Variants in SCN2A observed in about 807,000 individuals in gnomAD.
The protein encoded by SCN2A is sodium voltage-gated channel alpha subunit 2, also known as sodium channel protein type 2 subunit alpha.
SCN2A carries 20 observed loss-of-function variants against 188.7 expected under a neutral mutation model. The observed-to-expected ratio is 0.11, with a 90% CI of 0.07 to 0.15. SCN2A has a LOEUF of 0.15. SCN2A is among the 10% of genes least tolerant of loss of function. SCN2A has a pLI of 1.00. For missense variants in SCN2A, 1,278 were observed against 2,445.0 expected, an observed-to-expected ratio of 0.52 and a Z score of 10.07; for synonymous variants, 804 against 833.1, an observed-to-expected ratio of 0.97 and a Z score of 0.60.
Position 165,258,390 on chromosome 2 carries a change from A to G in SCN2A, c.-52+18750A>G, listed in dbSNP as rs144012431. Reference sequence around the variant, plus strand: ...TTCAATCTTCTGCATATGGCTAGCCAGTTATCCCAGCATTGTTTATTAAAC... The same window carrying G: ...TTCAATCTTCTGCATATGGCTAGCCGGTTATCCCAGCATTGTTTATTAAAC... On this transcript the variant is annotated intron_variant, in intron 1 of 26. Transcript: ENST00000375437. 4.8e-3 allele frequency among the ~76,000 whole-genome samples: 725 copies of G among 152,292 alleles called. 9 individuals carry two copies. Among genetic ancestry groups the G allele is most frequent in the African/African-American group, 0.016 (675 of 41,550 alleles).
At chr2:165,342,560 A>G (rs1699371881) in intron 15 of SCN2A, 91 bp downstream of exon 15, 3 of 1,365,614 alleles carry the variant, frequency 2.2e-6, no homozygotes, top group Non-Finnish European at 3.1e-6. Flanking sequence ...TCCCATCATT[A>G]TAATATTATT....
Position 165,360,113 on chromosome 2 carries a change from ATCTC to A in SCN2A, c.3400-5022_3400-5019del, listed in dbSNP as rs1485708155. ...AATTTTTTAATTAAATTAAATTAAA[ATCTC>A]TCTCTCTTTTCCCAAATTATATACA... On this transcript the variant is annotated intron_variant, in intron 17 of 26. Transcript: ENST00000375437. 4.0e-5 allele frequency among the ~76,000 whole-genome samples: 6 copies of A among 151,760 alleles called. No individual in the cohort carries two copies. The East Asian group carries it at 5.8e-4, about 15-fold the overall frequency.
intron 16 of SCN2A, among the ~76,000 whole-genome samples, chr2:165,350,187 C>T (rs1302614032): frequency 6.6e-6 from 1 of 152,214 alleles, no homozygotes; most frequent in Non-Finnish European, 1.5e-5. Flanking sequence ...GAGAAGACAA[C>T]TTCCTCTCTC....
In SCN2A at chr2:165,389,761, A is replaced by G. The variant is rs572474239; in HGVS notation, c.5955A>G (p.Lys1985=). The change falls in exon 27 of 27, where the codon AAA becomes AAG. Residue 1985 remains lysine (K), a synonymous_variant. Coordinates refer to ENST00000375437, the MANE Select transcript of SCN2A (RefSeq NM_001040142.2). The surrounding 1 kb of genome is among the most constrained non-coding windows in gnomAD (Gnocchi z 4.2). ...GTGTGACCAAACCAGAAAAAGAAAA[A>G]TTTGAAAAAGACAAATCAGAAAAGG... is the stretch of plus-strand genomic sequence containing the variant. ...YDSVTKPEKE[K]FEKDKSEKED... 2.6e-5 allele frequency: 42 copies of G among 1,613,242 alleles called. No homozygotes were observed. In the South Asian group the frequency reaches 4.2e-4, roughly 16 times the overall value.
intron 14 of SCN2A, among the ~76,000 whole-genome samples, chr2:165,341,254 C>G (rs549531954): frequency 6.6e-6 from 1 of 152,050 alleles, no homozygotes; most frequent in African/African-American, 2.4e-5. Flanking sequence ...CCACCGCGCC[C>G]GGCTAATTTT....
intron 8 of SCN2A, 46 bp from the exon 9 acceptor site, chr2:165,313,574 G>C (rs763757673): frequency 6.2e-7 from 1 of 1,610,268 alleles, no homozygotes; most frequent in Non-Finnish European, 8.5e-7. Context: ...CCAATTAGCA[G>C]ACTTGCCGTT....
chr2:165,289,171 T>C (rs1695986295), intron 1 of SCN2A, among the ~76,000 whole-genome samples: 1 of 152,078 alleles, frequency 6.6e-6, no homozygotes, highest in Non-Finnish European at 1.5e-5. Context: ...GCATGTATTA[T>C]TAATGTGGAT....
At chr2:165,362,126 A>C (rs1019934634) in intron 17 of SCN2A, among the ~76,000 whole-genome samples, 5 of 152,064 alleles carry the variant, frequency 3.3e-5, no homozygotes, top group African/African-American at 1.2e-4. Flanking sequence ...AAGGGTGACG[A>C]AAACATGATC....
intron 3 of SCN2A, among the ~76,000 whole-genome samples, chr2:165,303,270 G>GGTTTTTTTTTTT (rs1464026134): frequency 1.1e-5 from 1 of 91,314 alleles, no homozygotes; most frequent in East Asian, 3.7e-4. Context: ...TGTTATTTGA[G>GGTTTTTTTTTTT]TTTTTTTTTT....
chr2:165,329,454 T>C (rs1245271017), intron 13 of SCN2A, among the ~76,000 whole-genome samples: 1 of 152,204 alleles, frequency 6.6e-6, no homozygotes, highest in Non-Finnish European at 1.5e-5. Context: ...AATGCTTTGC[T>C]TTGTTTTAAA....
chr2:165,386,386 C>T (rs1701874783), intron 25 of SCN2A, among the ~76,000 whole-genome samples: 1 of 152,022 alleles, frequency 6.6e-6, no homozygotes, highest in African/African-American at 2.4e-5. Flanking sequence ...ATCGCTTGAA[C>T]CCGGGAGGCA....
chr2:165,280,116 C>T (rs1260275543), intron 1 of SCN2A, among the ~76,000 whole-genome samples: 1 of 152,062 alleles, frequency 6.6e-6, no homozygotes, highest in Admixed American at 6.5e-5. Flanking sequence ...TTATCAGCAG[C>T]GTGAAAACAG....
chr2:165,301,959 T>C (rs1002691452), intron 3 of SCN2A, among the ~76,000 whole-genome samples: 1 of 152,210 alleles, frequency 6.6e-6, no homozygotes, highest in Non-Finnish European at 1.5e-5. Flanking sequence ...TTTTTGATTC[T>C]TGGCTCTTTG....
At chr2:165,369,527 G>A (rs1700912109) in intron 19 of SCN2A, among the ~76,000 whole-genome samples, 3 of 152,086 alleles carry the variant, frequency 2.0e-5, no homozygotes, top group Non-Finnish European at 2.9e-5. Flanking sequence ...TAATTTTTCC[G>A]ATAAGAAGAT....
At chr2:165,385,061 T>C (rs1000323060) in intron 25 of SCN2A, among the ~76,000 whole-genome samples, 1 of 152,074 alleles carries the variant, frequency 6.6e-6, no homozygotes, top group African/African-American at 2.4e-5. Context: ...AATAGAAATC[T>C]AGTTCAGCAG....
intron 16 of SCN2A, among the ~76,000 whole-genome samples, chr2:165,350,468 T>C (rs868114025): frequency 6.0e-4 from 25 of 41,760 alleles, no homozygotes; most frequent in African/African-American, 7.8e-4. Context: ...TTCTTTCTTT[T>C]TTTTTTTTTT....
At chr2:165,380,494 C>T in intron 23 of SCN2A, 98 bp from the exon 24 acceptor site, 2 of 880,948 alleles carry the variant, frequency 2.3e-6, no homozygotes, top group South Asian at 1.5e-5. Context: ...ATTTTCATTC[C>T]AGAGATTAAA....
intron 1 of SCN2A, among the ~76,000 whole-genome samples, chr2:165,277,086 T>A (rs914156581): frequency 1.3e-5 from 2 of 152,182 alleles, no homozygotes; most frequent in African/African-American, 4.8e-5. Flanking sequence ...TAATTTTGTC[T>A]TCATTTTTTC....
At position 165,377,566 on chromosome 2, in the gene SCN2A, A is replaced by G. The variant is rs1864885; in HGVS notation, c.4255-31A>G. The G allele has an allele frequency of 0.24, 378,717 of 1,575,984 alleles. 48,535 individuals are homozygous for G. Among genetic ancestry groups the G allele is most frequent in the Admixed American group, 0.35 (20,902 of 59,224 alleles). On this transcript the variant is annotated intron_variant, in intron 22 of 26. Coordinates refer to ENST00000375437, the MANE Select transcript of SCN2A (RefSeq NM_001040142.2). ...TATTTTCTAAAATTATAATTTTGGG[A>G]AAAAAGAAAATGATATGACTTTTCT...
Sources: gnomAD v4.1 joint callset for allele counts (sites outside exome capture counted in the v4.1 genomes callset) on GRCh38, gnomAD v4.1.1 for gene constraint, Gnocchi (gnomAD v3.1) non-coding constraint, MANE v1.5 for transcripts, NCBI Gene and HGNC (gene_info 2026-07-23, HGNC 2026-07-21) for gene names.